ATG16L2: variants seen among roughly 807,000 people sequenced by gnomAD.
The protein encoded by ATG16L2 is protein Atg16l2.
A neutral mutation model predicts 84.7 loss-of-function variants in ATG16L2; 77 were observed. The observed-to-expected ratio is 0.91, with a 90% CI of 0.76 to 1.10. The LOEUF is 1.10. ATG16L2 is among the 50% of genes least tolerant of loss of function. The pLI is 0.00. For missense variants in ATG16L2, 782 were observed against 817.6 expected, an observed-to-expected ratio of 0.96 and a Z score of 0.53; for synonymous variants, 361 against 342.8, an observed-to-expected ratio of 1.05 and a Z score of -0.59.
At chr11:72,841,553 G>C (rs777798669) in intron 5 of ATG16L2, 2 of 1,610,716 alleles carry the variant, frequency 1.2e-6, no homozygotes, top group South Asian at 1.1e-5. Context: ...AGTGGAGGCA[G>C]GGAGGCGTGT....
intron 5 of ATG16L2, among the ~76,000 whole-genome samples, chr11:72,835,338 A>G (rs1460400325): frequency 6.6e-6 from 1 of 152,120 alleles, no homozygotes; most frequent in Non-Finnish European, 1.5e-5. Context: ...GAAGACTATC[A>G]AGGACCCTAG....
chr11:72,822,285 C>A lies in ATG16L2; in HGVS notation c.634C>A (p.Arg212Ser), dbSNP rs1415244170. 3 of 1,510,260 alleles carry A rather than the reference C, an allele frequency of 2.0e-6. No homozygotes were observed. The highest frequency in any genetic ancestry group is 2.6e-6 in the Non-Finnish European group (3 of 1,138,392). 93.6% of individuals were successfully genotyped at this position (1,510,260 alleles called of 1,614,324 possible). A position where few individuals can be genotyped will look rare whatever the true frequency, so the allele number is the denominator to read the frequency against. ...GGCCGAGCGCAACCTGCGCAACGAG[C>A]GCCGGGAGCGGTGAGGGAGCAGGCC... ...AAAERNLRNE[R>S]RERAKQARVS... The change falls in exon 5 of 18, where the codon CGC becomes AGC. Residue 212 changes from arginine (R) to serine (S), a missense_variant. Coordinates refer to ENST00000321297, the MANE Select transcript of ATG16L2 (RefSeq NM_033388.2). This position sits in a 1 kb window ranked among gnomAD's most constrained non-coding sequence, Gnocchi z 4.2.
In ATG16L2 at chr11:72,824,832, A is replaced by T; in HGVS notation, c.986A>T (p.Gln329Leu). The T allele has an allele frequency of 6.3e-7, 1 of 1,592,024 alleles. No individual in the cohort carries two copies. Among genetic ancestry groups the T allele is most frequent in the African/African-American group, 1.3e-5 (1 of 74,610 alleles). The part of the protein sequence containing the change: ...CVAARLPTRA[Q>L]DVLDAHLSEV... ...GCTGCCCGACTTCCTACCCGGGCTCAGGATGTGCTGGTAAGGGAGGAGCTG... is the reference window on the plus strand; with the variant it reads ...GCTGCCCGACTTCCTACCCGGGCTCTGGATGTGCTGGTAAGGGAGGAGCTG... Residue 329 changes from glutamine to leucine, a missense_variant, in exon 9 of 18, where the codon CAG (glutamine) becomes CTG (leucine). Coordinates refer to ENST00000321297, the MANE Select transcript of ATG16L2 (RefSeq NM_033388.2).
chr11:72,841,745 A>G (rs1160228323), intron 5 of ATG16L2, among the ~76,000 whole-genome samples: 2 of 152,152 alleles, frequency 1.3e-5, no homozygotes, highest in African/African-American at 4.8e-5. Context: ...TAACCACCTC[A>G]AGCTCCAATT....
Position 72,822,134 on chromosome 11 carries a change from G to A in ATG16L2, c.483G>A (p.Ala161=), listed in dbSNP as rs939736085. The A allele has an allele frequency of 1.3e-6, 2 of 1,501,774 alleles. No individual in the cohort carries two copies. Among genetic ancestry groups the A allele is most frequent in the Non-Finnish European group, 1.8e-6 (2 of 1,135,102 alleles). The allele number at this position is 1,501,774 out of a possible 1,614,324, so 93.0% of individuals were successfully genotyped here. A position where few individuals can be genotyped will look rare whatever the true frequency, so the allele number is the denominator to read the frequency against. Residue 161 remains alanine, a synonymous_variant, in exon 5 of 18, where the codon GCG becomes GCA. Coordinates refer to ENST00000321297, the MANE Select transcript of ATG16L2 (RefSeq NM_033388.2). The surrounding 1 kb of genome is among the most constrained non-coding windows in gnomAD (Gnocchi z 4.2). ...TGGAGGAGTGGCGGGCGCAGAATGC[G>A]GTGCAGCGGGCAGCCTACGAGGCGC... ...QQVEEWRAQN[A]VQRAAYEALR...
In ATG16L2 at chr11:72,825,557, G is replaced by A. The variant is rs151146589; in HGVS notation, c.1102+150G>A. ...GTGACTAGACAATGCCTTGGAAAGA[G>A]TGAGACTCTGGGCTCACTGTTCTGA... is the stretch of plus-strand genomic sequence containing the variant. On this transcript the variant is annotated intron_variant, in intron 10 of 17. Coordinates refer to ENST00000321297, the MANE Select transcript of ATG16L2 (RefSeq NM_033388.2). The A allele has an allele frequency of 3.6e-5, 24 of 664,676 alleles. 2 individuals carry two copies. Among genetic ancestry groups the A allele is most frequent in the African/African-American group, 2.5e-4 (14 of 55,652 alleles). The allele number at this position is 664,676 out of a possible 1,614,324, so 41.2% of individuals were successfully genotyped here. A position where few individuals can be genotyped will look rare whatever the true frequency, so the allele number is the denominator to read the frequency against.
chr11:72,822,638 C>A lies in ATG16L2; in HGVS notation c.710+95C>A. ...GGCTGCCGACTGTACTTGTGCACAG[C>A]CCCGTCCTGAGGCCCCCATGTGGTC... On this transcript the variant is annotated intron_variant, in intron 6 of 17. Transcript: ENST00000321297. This position sits in a 1 kb window ranked among gnomAD's most constrained non-coding sequence, Gnocchi z 4.2. 6.7e-7 allele frequency: 1 copy of A among 1,497,616 alleles called. No homozygotes were observed. The allele number at this position is 1,497,616 out of a possible 1,614,324, so 92.8% of individuals were successfully genotyped here.
At position 72,824,114 on chromosome 11, in the gene ATG16L2, G is replaced by A. The variant is rs758071790; in HGVS notation, c.879G>A (p.Gly293=). The A allele has an allele frequency of 6.2e-7, 1 of 1,614,210 alleles. No homozygotes were observed. Among genetic ancestry groups the A allele is most frequent in the South Asian group, 1.1e-5 (1 of 91,084 alleles). The change falls in exon 8 of 18, where the codon GGG becomes GGA. Residue 293 remains glycine (G), a synonymous_variant. Coordinates refer to ENST00000321297, the MANE Select transcript of ATG16L2 (RefSeq NM_033388.2). ...CCCACTGTGTGGATGTGGTGAAGGGGCTTCTGGAGTAAGTGTGTGTGTGCC... is the reference window on the plus strand; with the variant it reads ...CCCACTGTGTGGATGTGGTGAAGGGACTTCTGGAGTAAGTGTGTGTGTGCC... ...TLSHCVDVVK[G]LLDFKKRRGH...
chr11:72,832,875 G>A (rs1860637414), downstream of ATG16L2, among the ~76,000 whole-genome samples: 1 of 152,134 alleles, frequency 6.6e-6, no homozygotes, highest in Non-Finnish European at 1.5e-5. Flanking sequence ...GGAGATCTTG[G>A]GCAGGTCACA....
chr11:72,838,863 A>G, intron 5 of ATG16L2: 1 of 1,583,742 alleles, frequency 6.3e-7, no homozygotes, highest in Non-Finnish European at 8.6e-7. Flanking sequence ...GTGGAGGGGG[A>G]GCTGCCCGGA....
At chr11:72,834,646 G>T (rs1270245220) in intron 5 of ATG16L2, among the ~76,000 whole-genome samples, 1 of 150,926 alleles carries the variant, frequency 6.6e-6, no homozygotes, top group Non-Finnish European at 1.5e-5. Flanking sequence ...GCAGTGGCAT[G>T]ATCTTGGCTC....
rs1859592043 is a variant in ATG16L2 at position 72,814,545 on chromosome 11, C to T, written c.100C>T (p.Leu34=). 3 of 1,576,564 alleles carry T rather than the reference C, an allele frequency of 1.9e-6. No individual in the cohort carries two copies. Among genetic ancestry groups the T allele is most frequent in the African/African-American group, 2.7e-5 (2 of 73,418 alleles). Residue 34 remains leucine, a synonymous_variant, in exon 1 of 18, where the codon CTG becomes TTG. Transcript: ENST00000321297. ...GGACCGTACGCAAAAGGCGCTTTTC[C>T]TGGAGCTGGTGCCGGCCTGTGAGTG... is the stretch of plus-strand genomic sequence containing the variant. The part of the protein sequence containing the change: ...LRDRTQKALF[L]ELVPAYNHLL...
At position 72,826,706 on chromosome 11, in the gene ATG16L2, ACAC is replaced by A. The variant is rs769264670; in HGVS notation, c.1250_1252del (p.Thr417_Leu418delinsMet). On this transcript the variant is annotated inframe_deletion, in exon 13 of 18. Coordinates refer to ENST00000321297, the MANE Select transcript of ATG16L2 (RefSeq NM_033388.2). ...CGTACCTGGGGCCGGGGTACAGGAG[ACAC>A]TGTCTGGACACAAGGATAAGGTGAC... 1 of 1,614,084 alleles carries A rather than the reference ACAC, an allele frequency of 6.2e-7. No homozygotes were observed. The highest frequency in any genetic ancestry group is 8.5e-7 in the Non-Finnish European group (1 of 1,180,014).
rs369367414 is a variant in ATG16L2, at chr11:72,822,028, T to C, written c.393-16T>C. Reference sequence around the variant, plus strand: ...GGGAAGCTTGGGACCCGCTATCCGCTCTTTCCGTCCTCCAGGCTGGCAGCC... The same window carrying C: ...GGGAAGCTTGGGACCCGCTATCCGCCCTTTCCGTCCTCCAGGCTGGCAGCC... On this transcript the variant is annotated splice_polypyrimidine_tract_variant and intron_variant, in intron 4 of 17. Coordinates refer to ENST00000321297, the MANE Select transcript of ATG16L2 (RefSeq NM_033388.2). The surrounding 1 kb of genome is among the most constrained non-coding windows in gnomAD (Gnocchi z 4.2). The C allele has an allele frequency of 2.7e-6, 4 of 1,487,096 alleles. No homozygotes were observed. The highest frequency in any genetic ancestry group is 2.5e-4 in the Middle Eastern group (1 of 4,018). The allele number at this position is 1,487,096 out of a possible 1,614,324, so 92.1% of individuals were successfully genotyped here.
chr11:72,829,164 C>A, intron 17 of ATG16L2, 139 bp from the exon 18 acceptor site: 5 of 1,113,218 alleles, frequency 4.5e-6, no homozygotes, highest in South Asian at 1.5e-5. Context: ...CTTTCCACAG[C>A]CCTGTGAGCT....
chr11:72,822,624 G>GT lies in ATG16L2; in HGVS notation c.710+82dup, dbSNP rs1179134690. 1.9e-6 allele frequency: 3 copies of GT among 1,552,300 alleles called. No individual in the cohort carries two copies. Among genetic ancestry groups the GT allele is most frequent in the African/African-American group, 2.7e-5 (2 of 73,070 alleles). On this transcript the variant is annotated intron_variant, in intron 6 of 17. Transcript: ENST00000321297. This position sits in a 1 kb window ranked among gnomAD's most constrained non-coding sequence, Gnocchi z 4.2. ...CCTGCGGCGACCCAGGCTGCCGACT[G>GT]TACTTGTGCACAGCCCCGTCCTGAG...
At chr11:72,823,330 G>A (rs943203523) in intron 7 of ATG16L2, 3 of 319,220 alleles carry the variant, frequency 9.4e-6, no homozygotes. Context: ...CATCCGCAGG[G>A]ACATGAGGCC....
At chr11:72,837,453 T>A (rs1219904523) in intron 5 of ATG16L2, 3 of 151,456 alleles carry the variant, frequency 2.0e-5, no homozygotes, top group Admixed American at 2.0e-4. Context: ...CAAATTTGAT[T>A]TCTTAACCAA....
chr11:72,829,456 C>T lies in ATG16L2; in HGVS notation c.*66C>T. On this transcript the variant is annotated 3_prime_UTR_variant, in exon 18 of 18. Coordinates refer to ENST00000321297, the MANE Select transcript of ATG16L2 (RefSeq NM_033388.2). ...GCCTGAAGCTTCCTTCGGCGCCATG[C>T]AGGGGTTGGGGTTGGGACTGGAGCT... 1 of 1,568,780 alleles carries T rather than the reference C, an allele frequency of 6.4e-7. No homozygotes were observed. Among genetic ancestry groups the T allele is most frequent in the Non-Finnish European group, 8.7e-7 (1 of 1,155,804 alleles).
Sources: allele counts gnomAD v4.1 joint callset (sites outside exome capture counted in the v4.1 genomes callset), GRCh38; gene constraint gnomAD v4.1.1; non-coding constraint Gnocchi (gnomAD v3.1); transcripts MANE v1.5; gene names NCBI Gene and HGNC (gene_info 2026-07-23, HGNC 2026-07-21).